Variants in SETD1B observed in about 807,000 individuals in gnomAD.
The protein encoded by SETD1B is histone-lysine N-methyltransferase SETD1B.
In SETD1B, 7 loss-of-function variants were observed where a neutral mutation model predicts 148.0. That is an observed-to-expected ratio of 0.05 (90% CI 0.03 to 0.09). SETD1B has a LOEUF of 0.09. Ranked by LOEUF, SETD1B falls within the 10% of genes least tolerant of loss-of-function variation. The pLI, the probability that SETD1B is intolerant of heterozygous loss-of-function variation, is 1.00. For synonymous variants in SETD1B, 1,361 were observed against 1,186.5 expected (o/e 1.15, Z -3.02); for missense variants, 2,155 against 2,729.9 (o/e 0.79, Z 4.69).
At chr12:121,797,716 C>T in the SETD1B span, 29 of 415,618 alleles carry the variant, frequency 7.0e-5, no homozygotes, top group African/African-American at 5.7e-4. Flanking sequence ...CGGAGAGCAA[C>T]GAAGACTCTA....
At chr12:121,793,974 C>T in the SETD1B span, 3 of 227,016 alleles carry the variant, frequency 1.3e-5, no homozygotes, top group South Asian at 1.2e-4. Context: ...TCCAGGTGCC[C>T]CTGATTAGCA....
intron 10 of SETD1B, among the ~76,000 whole-genome samples, chr12:121,819,083 A>T (rs978904603): frequency 6.6e-6 from 1 of 151,932 alleles, no homozygotes; most frequent in South Asian, 2.1e-4. Context: ...TGTCTCTACT[A>T]AAAGTACAAA....
At chr12:121,794,549 G>GT in the SETD1B span, among the ~76,000 whole-genome samples, 4 of 152,170 alleles carry the variant, frequency 2.6e-5, no homozygotes, top group South Asian at 2.1e-4. Flanking sequence ...ACCAAGAAAT[G>GT]TAAGAAAATG....
chr12:121,824,342 T>C (rs1876734777), intron 12 of SETD1B, among the ~76,000 whole-genome samples: 1 of 152,148 alleles, frequency 6.6e-6, no homozygotes, highest in South Asian at 2.1e-4. Context: ...AGCACTCAGT[T>C]TGTGTCAAGA....
At chr12:121,807,508 C>T (rs900639929) in intron 4 of SETD1B, among the ~76,000 whole-genome samples, 3 of 151,474 alleles carry the variant, frequency 2.0e-5, no homozygotes, top group Non-Finnish European at 4.4e-5. Flanking sequence ...CAGAGACTGC[C>T]AACTAAGTTT....
chr12:121,830,308 C>A lies in SETD1B; in HGVS notation c.*69C>A, dbSNP rs981870163. 37 of 1,455,086 alleles carry A rather than the reference C, an allele frequency of 2.5e-5. No homozygotes were observed. Among genetic ancestry groups the A allele is most frequent in the Non-Finnish European group, 3.4e-5 (37 of 1,085,734 alleles). The allele number at this position is 1,455,086 out of a possible 1,614,324, so 90.1% of individuals were successfully genotyped here. A position where few individuals can be genotyped will look rare whatever the true frequency, so the allele number is the denominator to read the frequency against. ...CTCCCGAGCGTGGAGCCCCTGGCCC[C>A]GGGGCCCGGCCCCCCGCGCCCGCCC... On this transcript the variant is annotated 3_prime_UTR_variant, in exon 17 of 17. Transcript: ENST00000604567. The surrounding 1 kb of genome is among the most constrained non-coding windows in gnomAD (Gnocchi z 5.7).
At position 121,805,785 on chromosome 12, in the gene SETD1B, C is replaced by G. The variant is rs775632913; in HGVS notation, c.274-50C>G. 1 of 1,515,710 alleles carries G rather than the reference C, an allele frequency of 6.6e-7. No individual in the cohort carries two copies. The highest frequency in any genetic ancestry group is 2.5e-5 in the East Asian group (1 of 40,400). 93.9% of individuals were successfully genotyped at this position (1,515,710 alleles called of 1,614,324 possible). A position where few individuals can be genotyped will look rare whatever the true frequency, so the allele number is the denominator to read the frequency against. ...GGGGCGGGGGGGATGTTGTGTTTTC[C>G]CTTAGGTTTAAACGTTCTTCAAACT... On this transcript the variant is annotated intron_variant, in intron 3 of 16. Transcript: ENST00000604567. This position sits in a 1 kb window ranked among gnomAD's most constrained non-coding sequence, Gnocchi z 4.2.
intron 11 of SETD1B, 58 bp downstream of exon 11, chr12:121,819,953 C>T: frequency 9.9e-6 from 14 of 1,415,558 alleles, no homozygotes; most frequent in Middle Eastern, 1.8e-4. Flanking sequence ...TCCTCACTGT[C>T]AGAATCAGCC....
intron 11 of SETD1B, among the ~76,000 whole-genome samples, chr12:121,820,590 G>C (rs1876519855): frequency 6.6e-6 from 1 of 152,138 alleles, no homozygotes; most frequent in Non-Finnish European, 1.5e-5. Flanking sequence ...CTGGAGTGCA[G>C]TGGCACGATC....
rs755373107 is a variant in SETD1B, at chr12:121,810,064, G to C, written c.1119G>C (p.Gln373His). ...SSGPPFKAQP[Q>H]DSATFAHTPP... The stretch of plus-strand genomic sequence containing the variant: ...GTCCCCCGTTCAAGGCTCAACCACA[G>C]GATTCAGCCACATTTGCCCACACTC... The change falls in exon 6 of 17, where the codon CAG becomes CAC. Residue 373 changes from glutamine (Q) to histidine (H), a missense_variant. By Grantham distance (24) the Gln-to-His change is conservative. Transcript: ENST00000604567. This position sits in a 1 kb window ranked among gnomAD's most constrained non-coding sequence, Gnocchi z 7.6. 4.5e-6 allele frequency: 7 copies of C among 1,550,224 alleles called. No individual in the cohort carries two copies. Among genetic ancestry groups the C allele is most frequent in the Non-Finnish European group, 6.1e-6 (7 of 1,146,906 alleles).
At chr12:121,792,800 C>T in the SETD1B span, among the ~76,000 whole-genome samples, 1 of 152,248 alleles carries the variant, frequency 6.6e-6, no homozygotes, top group Non-Finnish European at 1.5e-5. Flanking sequence ...CTGCAGCTCA[C>T]AGAGTCTGCA....
Position 121,830,921 on chromosome 12 carries a change from A to C in SETD1B, c.*682A>C, listed in dbSNP as rs533085746. 2 of 152,410 alleles carry C rather than the reference A, an allele frequency of 1.3e-5. No homozygotes were observed. Among genetic ancestry groups the C allele is most frequent in the Non-Finnish European group, 2.9e-5 (2 of 68,212 alleles). The allele number at this position is 152,410 out of a possible 1,614,324, so 9.4% of individuals were successfully genotyped here. A position where few individuals can be genotyped will look rare whatever the true frequency, so the allele number is the denominator to read the frequency against. ...TCCTTCCCCAGAGGCCTGGGGCACC[A>C]CTGACCCGGTGGACCCTGATGGAGC... On this transcript the variant is annotated 3_prime_UTR_variant, in exon 17 of 17. Transcript: ENST00000604567. The surrounding 1 kb of genome is among the most constrained non-coding windows in gnomAD (Gnocchi z 5.7).
At position 121,804,686 on chromosome 12, in the gene SETD1B, C is replaced by G; in HGVS notation, c.-14-38C>G. 1 of 1,524,706 alleles carries G rather than the reference C, an allele frequency of 6.6e-7. No homozygotes were observed. The highest frequency in any genetic ancestry group is 8.8e-7 in the Non-Finnish European group (1 of 1,132,412). 94.4% of individuals were successfully genotyped at this position (1,524,706 alleles called of 1,614,324 possible). A position where few individuals can be genotyped will look rare whatever the true frequency, so the allele number is the denominator to read the frequency against. On this transcript the variant is annotated intron_variant, in intron 1 of 16. Coordinates refer to ENST00000604567, the MANE Select transcript of SETD1B (RefSeq NM_001353345.2). The surrounding 1 kb of genome is among the most constrained non-coding windows in gnomAD (Gnocchi z 4.6). ...TGTGTGTAGAAGCGGCCGCCGCCGC[C>G]GCCGCGGCGGAGACGACAACAACTT...
At chr12:121,815,951 C>T (rs1258662305) in intron 7 of SETD1B, among the ~76,000 whole-genome samples, 3 of 151,110 alleles carry the variant, frequency 2.0e-5, no homozygotes, top group African/African-American at 7.3e-5. Flanking sequence ...CCTCAGTGTC[C>T]TAAGTAGCTG....
chr12:121,826,629 G>A (rs1311981204), intron 13 of SETD1B, among the ~76,000 whole-genome samples: 2 of 152,122 alleles, frequency 1.3e-5, no homozygotes, highest in Admixed American at 1.3e-4. Context: ...AGGCAGCAGA[G>A]GGAGGTTGTG....
the SETD1B span, chr12:121,793,491 C>T: frequency 1.9e-6 from 3 of 1,541,116 alleles, no homozygotes; most frequent in East Asian, 2.4e-5. Context: ...CGCTGCGGGC[C>T]TCACCTCGGG....
At position 121,810,341 on chromosome 12, in the gene SETD1B, G is replaced by A. The variant is rs1161175662; in HGVS notation, c.1396G>A (p.Gly466Ser). 9.1e-6 allele frequency: 14 copies of A among 1,545,866 alleles called. No individual in the cohort carries two copies. The highest frequency in any genetic ancestry group is 2.4e-5 in the East Asian group (1 of 40,894). Residue 466 changes from glycine (G) to serine (S), a missense_variant, in exon 6 of 17, where the codon GGC (glycine) becomes AGC (serine). Physicochemically the swap from Gly to Ser is moderately conservative, Grantham distance 56. Transcript: ENST00000604567. This position sits in a 1 kb window ranked among gnomAD's most constrained non-coding sequence, Gnocchi z 7.6. Reference protein sequence around the residue: ...PPDTNSMELGGRPTFGWSPEP... With the variant: ...PPDTNSMELGSRPTFGWSPEP... ...CGACACCAACAGCATGGAGCTGGGCGGCCGGCCCACCTTCGGCTGGAGTCC... is the reference window on the plus strand; with the variant it reads ...CGACACCAACAGCATGGAGCTGGGCAGCCGGCCCACCTTCGGCTGGAGTCC...
At chr12:121,809,558 T>G in intron 5 of SETD1B, 45 bp from the exon 6 acceptor site, 2 of 1,496,604 alleles carry the variant, frequency 1.3e-6, no homozygotes, top group Non-Finnish European at 1.8e-6. Flanking sequence ...CCCTGTTCCA[T>G]TGCATGTTTT....
chr12:121,813,263 G>T (rs1356770768), intron 6 of SETD1B, among the ~76,000 whole-genome samples: 1 of 152,246 alleles, frequency 6.6e-6, no homozygotes, highest in East Asian at 1.9e-4. Context: ...CCCCACGCGG[G>T]CCCACACTGA....
Sources: allele counts gnomAD v4.1 joint callset (sites outside exome capture counted in the v4.1 genomes callset), GRCh38; gene constraint gnomAD v4.1.1; non-coding constraint Gnocchi (gnomAD v3.1); transcripts MANE v1.5; gene names NCBI Gene and HGNC (gene_info 2026-07-23, HGNC 2026-07-21).